The following MPRIP variants were observed in gnomAD, a reference collection of about 807,000 sequenced individuals.
MPRIP encodes myosin phosphatase Rho-interacting protein.
MPRIP carries 59 observed loss-of-function variants against 234.9 expected under a neutral mutation model. The ratio of observed to expected loss-of-function variants is 0.25; its 90% CI spans 0.20 to 0.31. The LOEUF (loss-of-function observed/expected upper bound fraction) is 0.31. Ranked by LOEUF, MPRIP falls within the 10% of genes least tolerant of loss-of-function variation. The pLI is 1.00. For synonymous variants in MPRIP, 1,144 were observed against 1,263.9 expected, an observed-to-expected ratio of 0.91 and a Z score of 2.01; for missense variants, 2,436 against 3,071.0, an observed-to-expected ratio of 0.79 and a Z score of 4.89.
At position 17,164,880 on chromosome 17, in the gene MPRIP, G is replaced by A. The variant is rs117451814; in HGVS notation, c.3289G>A (p.Ala1097Thr). ...EAREASVRRL[A>T]EHVQSLCDER... ...ACGAGAGGCCAGCGTGCGCAGGCTCGCAGAGCACGTGCAGAGCCTCTGTGA... is the reference window on the plus strand; with the variant it reads ...ACGAGAGGCCAGCGTGCGCAGGCTCACAGAGCACGTGCAGAGCCTCTGTGA... Residue 1097 changes from alanine to threonine, a missense_variant, in exon 16 of 24, where the codon GCA becomes ACA. Physicochemically the swap from Ala to Thr is moderately conservative, Grantham distance 58. Transcript: ENST00000651222. 1.7e-4 allele frequency: 224 copies of A among 1,303,880 alleles called. No individual in the cohort carries two copies. The East Asian group carries it at 7.0e-3, about 41-fold the overall frequency. 80.8% of individuals were successfully genotyped at this position (1,303,880 alleles called of 1,614,324 possible).
rs1470883038 is a variant in MPRIP, at chr17:17,136,464, A to G, written c.736+14A>G. The G allele has an allele frequency of 4.4e-6, 7 of 1,602,324 alleles. No homozygotes were observed. Among genetic ancestry groups the G allele is most frequent in the Non-Finnish European group, 6.0e-6 (7 of 1,174,034 alleles). On this transcript the variant is annotated intron_variant, in intron 6 of 23. Coordinates refer to ENST00000651222, the MANE Select transcript of MPRIP (RefSeq NM_001364716.4). ...AGAGCAAAGAAGGTGAGCGGAGGCCAGGCTGGCTTGTATGCACGGGAATGG... is the reference window on the plus strand; with the variant it reads ...AGAGCAAAGAAGGTGAGCGGAGGCCGGGCTGGCTTGTATGCACGGGAATGG...
At chr17:17,118,403 C>T (rs2090326164) in intron 3 of MPRIP, among the ~76,000 whole-genome samples, 1 of 152,140 alleles carries the variant, frequency 6.6e-6, no homozygotes, top group Admixed American at 6.5e-5. Flanking sequence ...ATGTGGGACA[C>T]CTGAAGGGTG....
At chr17:17,168,482 A>G (rs1253602195) in intron 16 of MPRIP, 1 of 282,576 alleles carries the variant, frequency 3.5e-6, no homozygotes, top group Admixed American at 5.1e-5. Context: ...CACGGAGCAC[A>G]GCCTCCAGCC....
rs1056356337 is a variant in MPRIP, at chr17:17,192,426, T to A, written c.*7532T>A. ...GACCAGCTGAGCTGCTGCTTTTTTT[T>A]TGGGGGGGGGGGGGGGAGGGGCGTC... On this transcript the variant is annotated 3_prime_UTR_variant, in exon 24 of 24. Transcript: ENST00000651222. 1 of 2,968 alleles carries A rather than the reference T, an allele frequency of 3.4e-4. No homozygotes were observed. The highest frequency in any genetic ancestry group is 7.4e-4 in the Non-Finnish European group (1 of 1,354). The allele number at this position is 2,968 out of a possible 1,614,324, so 0.2% of individuals were successfully genotyped here.
At chr17:17,154,202 T>C (rs541171973) in intron 12 of MPRIP, 104 bp from the exon 13 acceptor site, 5 of 935,548 alleles carry the variant, frequency 5.3e-6, no homozygotes, top group African/African-American at 1.6e-5. Context: ...TCACAGCCTT[T>C]CTCCCTGTGG....
chr17:17,111,997 AGTC>A (rs893489794), intron 3 of MPRIP, among the ~76,000 whole-genome samples: 28 of 152,196 alleles, frequency 1.8e-4, no homozygotes, highest in Non-Finnish European at 2.9e-4. Flanking sequence ...GTCGCATGAC[AGTC>A]GTCGGCACCC....
chr17:17,132,743 G>T (rs1043704055), intron 5 of MPRIP, among the ~76,000 whole-genome samples: 11 of 152,076 alleles, frequency 7.2e-5, no homozygotes, highest in Non-Finnish European at 1.0e-4. Flanking sequence ...CTCCATCCTG[G>T]GGTCAGGGAG....
In MPRIP at chr17:17,166,078, A is replaced by G. The variant is rs2045988205; in HGVS notation, c.4487A>G (p.Asp1496Gly). The change falls in exon 16 of 24, where the codon GAT becomes GGT. Residue 1496 changes from aspartate to glycine, a missense_variant. Asp to Gly is a moderately conservative substitution (Grantham distance 94, BLOSUM62 -1). Coordinates refer to ENST00000651222, the MANE Select transcript of MPRIP (RefSeq NM_001364716.4). The surrounding 1 kb of genome is among the most constrained non-coding windows in gnomAD (Gnocchi z 4.4). ...TCTCTGCCTAGGGCCAGCCAGGAGG[A>G]TGAGCAGGACGCACGCGCAGCCTCC... ...LRSLPRASQE[D>G]EQDARAASLA... 1 of 1,300,422 alleles carries G rather than the reference A, an allele frequency of 7.7e-7. No homozygotes were observed. Among genetic ancestry groups the G allele is most frequent in the Non-Finnish European group, 1.0e-6 (1 of 986,434 alleles). 80.6% of individuals were successfully genotyped at this position (1,300,422 alleles called of 1,614,324 possible). A position where few individuals can be genotyped will look rare whatever the true frequency, so the allele number is the denominator to read the frequency against.
At chr17:17,147,806 C>T (rs2045510882) in intron 11 of MPRIP, among the ~76,000 whole-genome samples, 1 of 152,122 alleles carries the variant, frequency 6.6e-6, no homozygotes, top group African/African-American at 2.4e-5. Context: ...CATCTTGTGC[C>T]CTGCCTTCTG....
At position 17,138,399 on chromosome 17, in the gene MPRIP, A is replaced by T; in HGVS notation, c.1220A>T (p.Glu407Val). The T allele has an allele frequency of 3.4e-6, 1 of 290,662 alleles. No homozygotes were observed. Among genetic ancestry groups the T allele is most frequent in the Non-Finnish European group, 6.4e-6 (1 of 156,946 alleles). 18.0% of individuals were successfully genotyped at this position (290,662 alleles called of 1,614,324 possible). The change falls in exon 7 of 24, where the codon GAG (glutamate) becomes GTG (valine). Residue 407 changes from glutamate to valine, a missense_variant. Around this residue, in one of 4 missense-constraint regions of MPRIP, gnomAD observed 267 missense variants for 252.7 expected, o/e 1.06. Coordinates refer to ENST00000651222, the MANE Select transcript of MPRIP (RefSeq NM_001364716.4). The surrounding 1 kb of genome is among the most constrained non-coding windows in gnomAD (Gnocchi z 5.8). Reference sequence around the variant, plus strand: ...CGGGCCCGGAGCCCTGGCAGGGAGGAGGTGGCCCGTCTGTTTGGCAACGAG... The same window carrying T: ...CGGGCCCGGAGCCCTGGCAGGGAGGTGGTGGCCCGTCTGTTTGGCAACGAG... ...RTRARSPGRE[E>V]VARLFGNERR...
rs1178999358 is a variant in MPRIP, at chr17:17,167,100, T to C, written c.5509T>C (p.Leu1837=). 1 of 1,304,082 alleles carries C rather than the reference T, an allele frequency of 7.7e-7. No homozygotes were observed. Among genetic ancestry groups the C allele is most frequent in the Non-Finnish European group, 1.0e-6 (1 of 988,916 alleles). 80.8% of individuals were successfully genotyped at this position (1,304,082 alleles called of 1,614,324 possible). ...GGGAGGCCTCGGTCAGTATTCTTCA[T>C]TGTTGGTTCAGGATGCCATTATTCA... The part of the protein sequence containing the change: ...CLGGLGQYSS[L]LVQDAIIQAQ... The change falls in exon 16 of 24, where the codon TTG becomes CTG. Residue 1837 remains leucine (L), a synonymous_variant. Transcript: ENST00000651222. This position sits in a 1 kb window ranked among gnomAD's most constrained non-coding sequence, Gnocchi z 5.9.
intron 1 of MPRIP, among the ~76,000 whole-genome samples, chr17:17,057,139 C>T (rs1386161649): frequency 1.3e-5 from 2 of 152,220 alleles, no homozygotes; most frequent in Admixed American, 1.3e-4. Flanking sequence ...GCACCTGGAG[C>T]CACATGTCAG....
Position 17,167,908 on chromosome 17 carries a change from G to A in MPRIP, c.6317G>A (p.Ser2106Asn). Residue 2106 changes from serine to asparagine, a missense_variant, in exon 16 of 24, where the codon AGC becomes AAC. Physicochemically the swap from Ser to Asn is conservative, Grantham distance 46. Around this residue, in one of 4 missense-constraint regions of MPRIP, gnomAD observed 1,998 missense variants for 2,520.3 expected, o/e 0.79. Coordinates refer to ENST00000651222, the MANE Select transcript of MPRIP (RefSeq NM_001364716.4). This position sits in a 1 kb window ranked among gnomAD's most constrained non-coding sequence, Gnocchi z 5.9. ...LREKYQRDLE[S>N]LKATCERGFA... ...GAGAAGTACCAGAGGGACTTGGAGA[G>A]CCTTAAGGTCTTAACGCCCCATTCA... 7.7e-7 allele frequency: 1 copy of A among 1,302,872 alleles called. No homozygotes were observed. The highest frequency in any genetic ancestry group is 1.2e-5 in the South Asian group (1 of 80,998). The allele number at this position is 1,302,872 out of a possible 1,614,324, so 80.7% of individuals were successfully genotyped here. A position where few individuals can be genotyped will look rare whatever the true frequency, so the allele number is the denominator to read the frequency against.
At chr17:17,152,651 A>G (rs2045628421) in intron 12 of MPRIP, among the ~76,000 whole-genome samples, 1 of 152,200 alleles carries the variant, frequency 6.6e-6, no homozygotes, top group South Asian at 2.1e-4. Flanking sequence ...GTCTGGGGCT[A>G]GAGTGCTGGG....
At chr17:17,122,367 T>C (rs2090406714) in intron 3 of MPRIP, among the ~76,000 whole-genome samples, 2 of 151,562 alleles carry the variant, frequency 1.3e-5, no homozygotes, top group African/African-American at 4.8e-5. Context: ...TTTTGTTTTG[T>C]TTTTGAGATG....
At chr17:17,131,833 C>T in intron 5 of MPRIP, 132 bp downstream of exon 5, 1 of 769,766 alleles carries the variant, frequency 1.3e-6, no homozygotes, top group Non-Finnish European at 2.2e-6. Flanking sequence ...TCTGCACATC[C>T]TTGCTTTGGG....
intron 3 of MPRIP, among the ~76,000 whole-genome samples, chr17:17,111,616 C>G (rs1046059867): frequency 6.6e-6 from 1 of 152,184 alleles, no homozygotes; most frequent in Non-Finnish European, 1.5e-5. Flanking sequence ...GAGAGTGAAG[C>G]CAGCGTCCCT....
rs747670409 is a variant in MPRIP at position 17,158,926 on chromosome 17, C to T, written c.2324C>T (p.Ala775Val). The change falls in exon 14 of 24, where the codon GCC (alanine) becomes GTC (valine). Residue 775 changes from alanine (A) to valine (V), a missense_variant. This residue lies in a region of MPRIP where 1,998 missense variants were observed against 2,520.3 expected (regional missense o/e 0.79). Transcript: ENST00000651222. ...PLREEKQVPI[A>V]PVHLSSEDGG... is the part of the protein sequence containing the mutation. The stretch of plus-strand genomic sequence containing the variant: ...CGGGAAGAGAAGCAGGTGCCCATCG[C>T]CCCCGTCCACCTGTCTTCTGAAGAT... 1.1e-5 allele frequency: 18 copies of T among 1,612,600 alleles called. No individual in the cohort carries two copies. The highest frequency in any genetic ancestry group is 6.6e-5 in the South Asian group (6 of 91,072).
At chr17:17,058,115 C>A (rs8080972) in intron 1 of MPRIP, among the ~76,000 whole-genome samples, 1 of 152,110 alleles carries the variant, frequency 6.6e-6, no homozygotes, top group African/African-American at 2.4e-5. Flanking sequence ...CAGTGCTGGT[C>A]GAGCTGTTCT....
Sources: allele counts gnomAD v4.1 joint callset (sites outside exome capture counted in the v4.1 genomes callset), GRCh38; gene constraint gnomAD v4.1.1; regional missense constraint gnomAD v4.1.1; non-coding constraint Gnocchi (gnomAD v3.1); transcripts MANE v1.5; gene names NCBI Gene and HGNC (gene_info 2026-07-23, HGNC 2026-07-21).